Variants in SLC9A9 observed in about 807,000 individuals in gnomAD.
SLC9A9 encodes solute carrier family 9 member A9.
In SLC9A9, 62 loss-of-function variants were observed where a neutral mutation model predicts 77.8. The observed-to-expected ratio is 0.80, with a 90% CI of 0.65 to 0.98. SLC9A9 has a LOEUF of 0.98. Among genes scored for constraint, SLC9A9 ranks in the 50% least tolerant of loss-of-function variants. The pLI is 0.00. For synonymous variants in SLC9A9, 320 were observed against 283.5 expected (o/e 1.13, Z -1.29); for missense variants, 775 against 774.9 (o/e 1.00, Z 0.00).
intron 4 of SLC9A9, among the ~76,000 whole-genome samples, chr3:143,711,579 A>AAT (rs1553783504): frequency 3.0e-5 from 4 of 134,204 alleles, no homozygotes; most frequent in African/African-American, 5.8e-5. Flanking sequence ...TAAAAAAAAA[A>AAT]TTTTTTTTTT....
intron 14 of SLC9A9, among the ~76,000 whole-genome samples, chr3:143,348,914 G>T (rs2032376328): frequency 6.6e-6 from 1 of 152,206 alleles, no homozygotes; most frequent in Non-Finnish European, 1.5e-5. Flanking sequence ...TCAAGCTCAT[G>T]CAGCCTGCAA....
At chr3:143,743,121 C>T (rs1265262714) in intron 4 of SLC9A9, among the ~76,000 whole-genome samples, 1 of 151,262 alleles carries the variant, frequency 6.6e-6, no homozygotes, top group Admixed American at 6.6e-5. Context: ...ACAGGCTCCA[C>T]CAGTAGGAAA....
chr3:143,605,928 C>A (rs2037915279), intron 6 of SLC9A9, among the ~76,000 whole-genome samples: 1 of 152,128 alleles, frequency 6.6e-6, no homozygotes, highest in African/African-American at 2.4e-5. Flanking sequence ...GAACTCAAAT[C>A]CCCAGAGGTA....
chr3:143,753,902 G>T (rs952326313), intron 4 of SLC9A9, among the ~76,000 whole-genome samples: 2 of 152,212 alleles, frequency 1.3e-5, no homozygotes, highest in Non-Finnish European at 2.9e-5. Context: ...GAGAGAAAAA[G>T]TTCTTCACAT....
At chr3:143,697,213 G>T (rs572121628) in intron 4 of SLC9A9, among the ~76,000 whole-genome samples, 4 of 152,002 alleles carry the variant, frequency 2.6e-5, no homozygotes, top group Non-Finnish European at 5.9e-5. Context: ...GCATGGAAAA[G>T]TAAATTATTA....
chr3:143,747,249 C>T (rs146701348), intron 4 of SLC9A9, among the ~76,000 whole-genome samples: 9,317 of 151,938 alleles, frequency 0.061, 328 homozygotes, highest in Middle Eastern at 0.075. Flanking sequence ...ACTAAAAATA[C>T]AAAAACCACC....
intron 1 of SLC9A9, among the ~76,000 whole-genome samples, chr3:143,847,004 G>C (rs1283923120): frequency 6.6e-6 from 1 of 152,112 alleles, no homozygotes; most frequent in African/African-American, 2.4e-5. Flanking sequence ...TCCTGAGCCT[G>C]AAACTTCCGC....
intron 14 of SLC9A9, among the ~76,000 whole-genome samples, chr3:143,324,973 T>G (rs1418867731): frequency 6.6e-6 from 1 of 152,120 alleles, no homozygotes; most frequent in Non-Finnish European, 1.5e-5. Context: ...ACAAACATTT[T>G]CCATGGAAAA....
At chr3:143,733,809 T>C (rs1305849113) in intron 4 of SLC9A9, among the ~76,000 whole-genome samples, 1 of 151,976 alleles carries the variant, frequency 6.6e-6, no homozygotes, top group African/African-American at 2.4e-5. Flanking sequence ...GCCCCCACTT[T>C]CCACCAATAC....
chr3:143,646,285 T>C (rs1193476971), intron 6 of SLC9A9, among the ~76,000 whole-genome samples: 2 of 148,274 alleles, frequency 1.3e-5, no homozygotes, highest in Non-Finnish European at 3.0e-5. Flanking sequence ...TATACAGGTA[T>C]AATAAAATAT....
chr3:143,776,725 AG>A (rs1473049685), intron 4 of SLC9A9, among the ~76,000 whole-genome samples: 1 of 152,220 alleles, frequency 6.6e-6, no homozygotes, highest in Non-Finnish European at 1.5e-5. Context: ...CTATAAAGGC[AG>A]GTTATTTTAC....
At chr3:143,634,194 G>A (rs1463196848) in intron 6 of SLC9A9, among the ~76,000 whole-genome samples, 2 of 150,900 alleles carry the variant, frequency 1.3e-5, no homozygotes, top group African/African-American at 5.0e-5. Context: ...TTATGCTGTC[G>A]ATGATTCCAA....
chr3:143,422,724 C>T (rs1461961755), intron 12 of SLC9A9, among the ~76,000 whole-genome samples: 1 of 152,058 alleles, frequency 6.6e-6, no homozygotes, highest in African/African-American at 2.4e-5. Context: ...CATGTGTAAC[C>T]CTGAATCTAA....
intron 2 of SLC9A9, among the ~76,000 whole-genome samples, chr3:143,825,738 G>A (rs2009279983): frequency 6.6e-6 from 1 of 152,148 alleles, no homozygotes; most frequent in African/African-American, 2.4e-5. Flanking sequence ...TTTTCGCTGG[G>A]TAGTTTCCTT....
At chr3:143,542,985 G>C (rs2036712880) in intron 9 of SLC9A9, among the ~76,000 whole-genome samples, 1 of 152,186 alleles carries the variant, frequency 6.6e-6, no homozygotes, top group South Asian at 2.1e-4. Context: ...TGAGTGTTAA[G>C]ACTGATGTCC....
At chr3:143,824,971 C>T (rs567931220) in intron 2 of SLC9A9, among the ~76,000 whole-genome samples, 1 of 152,320 alleles carries the variant, frequency 6.6e-6, no homozygotes, top group African/African-American at 2.4e-5. Flanking sequence ...ACTTGACATT[C>T]TCTGGAACCA....
Position 143,266,157 on chromosome 3 carries a change from A to C in SLC9A9, c.*545T>G. On this transcript the variant is annotated 3_prime_UTR_variant, in exon 16 of 16. Transcript: ENST00000316549. Reference sequence around the variant, plus strand: ...GTGTGGGCTCTGGGAAACCATCAGCAGTGGGTACGGAACACTTCTCTGGGC... The same window carrying C: ...GTGTGGGCTCTGGGAAACCATCAGCCGTGGGTACGGAACACTTCTCTGGGC... 1.4e-6 allele frequency: 1 copy of C among 701,520 alleles called. No homozygotes were observed. Among genetic ancestry groups the C allele is most frequent in the Non-Finnish European group, 2.6e-6 (1 of 384,562 alleles). The allele number at this position is 701,520 out of a possible 1,614,324, so 43.5% of individuals were successfully genotyped here. A position where few individuals can be genotyped will look rare whatever the true frequency, so the allele number is the denominator to read the frequency against.
At chr3:143,745,157 G>A (rs1321695511) in intron 4 of SLC9A9, among the ~76,000 whole-genome samples, 2 of 152,030 alleles carry the variant, frequency 1.3e-5, no homozygotes, top group African/African-American at 2.4e-5. Context: ...TGATGTTCAG[G>A]CAATAACTCA....
intron 2 of SLC9A9, among the ~76,000 whole-genome samples, chr3:143,827,197 G>C (rs1272237377): frequency 6.6e-6 from 1 of 152,170 alleles, no homozygotes; most frequent in African/African-American, 2.4e-5. Context: ...TGTTTGCAAA[G>C]CTATCATGTA....
Sources: gnomAD v4.1 joint callset for allele counts (sites outside exome capture counted in the v4.1 genomes callset) on GRCh38, gnomAD v4.1.1 for gene constraint, MANE v1.5 for transcripts, NCBI Gene and HGNC (gene_info 2026-07-23, HGNC 2026-07-21) for gene names.